Variants in DZIP1L observed in about 807,000 individuals in gnomAD.
DZIP1L encodes the protein cilium assembly protein DZIP1L.
DZIP1L carries 90 observed loss-of-function variants against 88.7 expected under a neutral mutation model. The ratio of observed to expected loss-of-function variants is 1.02; its 90% CI spans 0.86 to 1.21. The LOEUF (loss-of-function observed/expected upper bound fraction) is 1.21, where lower values mean the gene tolerates loss of function less well. DZIP1L is among the 50% of genes most tolerant of loss of function. The probability of loss-of-function intolerance (pLI) is 0.00; values close to 1 mark genes in which losing one functional copy is unlikely to be tolerated. For missense variants in DZIP1L, 932 were observed against 955.8 expected, an observed-to-expected ratio of 0.98 and a Z score of 0.33; for synonymous variants, 363 against 372.1, an observed-to-expected ratio of 0.98 and a Z score of 0.28.
Position 138,087,010 on chromosome 3 carries a change from T to C in DZIP1L, c.1013A>G (p.Lys338Arg), listed in dbSNP as rs1943973240. 1 of 1,614,158 alleles carries C rather than the reference T, an allele frequency of 6.2e-7. No homozygotes were observed. The highest frequency in any genetic ancestry group is 8.5e-7 in the Non-Finnish European group (1 of 1,180,022). Residue 338 changes from lysine (K) to arginine (R), a missense_variant, in exon 7 of 16, where the codon AAA becomes AGA. Physicochemically the swap from Lys to Arg is conservative, Grantham distance 26. Transcript: ENST00000327532. ...TTCATGCAGTTCCTTCACTTTTCTT[T>C]TCCACTCCGTTTTCTGAAAAAGATT... The part of the protein sequence containing the change: ...EKTEIQKTEW[K>R]RKVKELHEEH...
intron 2 of DZIP1L, among the ~76,000 whole-genome samples, chr3:138,099,547 G>A (rs1203469094): frequency 2.0e-5 from 3 of 152,128 alleles, no homozygotes; most frequent in Non-Finnish European, 4.4e-5. Flanking sequence ...TTGAATGTTT[G>A]TCCCTTCCAA....
At chr3:138,073,244 G>A (rs939547024) in intron 11 of DZIP1L, among the ~76,000 whole-genome samples, 3 of 152,104 alleles carry the variant, frequency 2.0e-5, no homozygotes, top group African/African-American at 7.2e-5. Flanking sequence ...CTCCTAGCTG[G>A]AGGCCAACAA....
Position 138,084,124 on chromosome 3 carries a change from G to A in DZIP1L, c.1192C>T (p.Gln398Ter). The A allele has an allele frequency of 1.2e-6, 2 of 1,613,898 alleles. No individual in the cohort carries two copies. Among genetic ancestry groups the A allele is most frequent in the Non-Finnish European group, 1.7e-6 (2 of 1,179,888 alleles). Residue 398 changes from glutamine (Q) to a stop codon, truncating the protein, a stop_gained, in exon 8 of 16, where the codon CAG (glutamine) becomes TAG (stop). Transcript: ENST00000327532. LOFTEE classifies it high-confidence loss of function. Reference protein sequence around the residue: ...LQEQARIIASQEEMIQSLSLR... With the variant: ...LQEQARIIAS ...AAGGGCAGACCTACCATCTCCTCCT[G>A]GGAGGCAATGATCCTAGCTTGTTCC...
At position 138,103,521 on chromosome 3, in the gene DZIP1L, T is replaced by C. The variant is rs779856512; in HGVS notation, c.451A>G (p.Ser151Gly). The change falls in exon 2 of 16, where the codon AGC becomes GGC. Residue 151 changes from serine to glycine, a missense_variant. By Grantham distance (56) the Ser-to-Gly change is moderately conservative (BLOSUM62 0). Transcript: ENST00000327532. ...TGCATTAGCAGCTGCTGCAGGGTGC[T>C]GATCATCTTGCGACGCCGGCGGCTC... ...EESRRRRKMI[S>G]TLQQLLMQTG... The C allele has an allele frequency of 1.9e-5, 31 of 1,611,906 alleles. No individual in the cohort carries two copies. Among genetic ancestry groups the C allele is most frequent in the East Asian group, 1.8e-4 (8 of 44,878 alleles).
chr3:138,096,865 A>C (rs768608016), intron 3 of DZIP1L, among the ~76,000 whole-genome samples: 5 of 152,190 alleles, frequency 3.3e-5, no homozygotes, highest in Non-Finnish European at 7.3e-5. Context: ...GTTTTAACAA[A>C]TATTTCTTGT....
chr3:138,066,089 A>G (rs1486112053), intron 14 of DZIP1L, among the ~76,000 whole-genome samples: 1 of 152,232 alleles, frequency 6.6e-6, no homozygotes, highest in Non-Finnish European at 1.5e-5. Context: ...AACAGGCTGC[A>G]TGGCCCAAAG....
At chr3:138,106,602 G>A (rs1387939888) in intron 1 of DZIP1L, among the ~76,000 whole-genome samples, 2 of 151,822 alleles carry the variant, frequency 1.3e-5, no homozygotes, top group East Asian at 2.0e-4. Context: ...GGGAGGCCAA[G>A]GTGGGTGGAT....
intron 1 of DZIP1L, among the ~76,000 whole-genome samples, chr3:138,114,659 C>G (rs1171760693): frequency 2.0e-5 from 3 of 152,146 alleles, no homozygotes; most frequent in Non-Finnish European, 4.4e-5. Context: ...AATCGAATTC[C>G]AGGAGACCAG....
rs952653479 is a variant in DZIP1L at position 138,064,382 on chromosome 3, T to C, written c.2142+246A>G. The C allele has an allele frequency of 9.6e-6, 13 of 1,360,998 alleles. No individual in the cohort carries two copies. The Admixed American group carries it at 3.8e-4, about 40-fold the overall frequency. The allele number at this position is 1,360,998 out of a possible 1,614,324, so 84.3% of individuals were successfully genotyped here. A position where few individuals can be genotyped will look rare whatever the true frequency, so the allele number is the denominator to read the frequency against. On this transcript the variant is annotated intron_variant, in intron 15 of 15. Coordinates refer to ENST00000327532, the MANE Select transcript of DZIP1L (RefSeq NM_173543.3). ...CTCCGAGAGGCAGGAGATGGGACAA[T>C]CAAAACTTACTGAGCATTGCTTATA...
intron 10 of DZIP1L, 138 bp from the exon 11 acceptor site, chr3:138,077,770 C>A: frequency 7.9e-7 from 1 of 1,264,152 alleles, no homozygotes; most frequent in African/African-American, 1.5e-5. Flanking sequence ...GCACTTGAGC[C>A]CTTAAAGCAG....
intron 2 of DZIP1L, among the ~76,000 whole-genome samples, chr3:138,099,634 G>A (rs1414523650): frequency 1.3e-5 from 2 of 152,152 alleles, no homozygotes; most frequent in African/African-American, 2.4e-5. Context: ...GGGTCATGGG[G>A]CAGATCCCTC....
chr3:138,107,859 C>T (rs1210781624), intron 1 of DZIP1L, among the ~76,000 whole-genome samples: 6 of 152,134 alleles, frequency 3.9e-5, no homozygotes, highest in African/African-American at 1.4e-4. Flanking sequence ...ACCTCTCAGC[C>T]TGGTCTTGAG....
In DZIP1L at chr3:138,067,585, A is replaced by C; in HGVS notation, c.1948T>G (p.Trp650Gly). The C allele has an allele frequency of 6.2e-7, 1 of 1,612,238 alleles. No individual in the cohort carries two copies. The highest frequency in any genetic ancestry group is 1.1e-5 in the South Asian group (1 of 90,692). ...TCCTCCGAGGTCTCTGTGTCAGACC[A>C]GTCCCAGTCATCCTTGGGCCGGGGC... The part of the protein sequence containing the change: ...MVPRPKDDWD[W>G]SDTETSEENA... The change falls in exon 14 of 16, where the codon TGG (tryptophan) becomes GGG (glycine). Residue 650 changes from tryptophan (W) to glycine (G), a missense_variant. Physicochemically the swap from Trp to Gly is radical, Grantham distance 184. Coordinates refer to ENST00000327532, the MANE Select transcript of DZIP1L (RefSeq NM_173543.3).
chr3:138,107,589 T>C (rs950499528), intron 1 of DZIP1L, among the ~76,000 whole-genome samples: 1 of 152,240 alleles, frequency 6.6e-6, no homozygotes, highest in Non-Finnish European at 1.5e-5. Flanking sequence ...TGTAGGTTCA[T>C]CTGGCACCAA....
chr3:138,062,856 C>A lies in DZIP1L; in HGVS notation c.2264G>T (p.Gly755Val). The change falls in exon 16 of 16, where the codon GGT (glycine) becomes GTT (valine). Residue 755 changes from glycine (G) to valine (V), a missense_variant. By Grantham distance (109) the Gly-to-Val change is moderately radical. Coordinates refer to ENST00000327532, the MANE Select transcript of DZIP1L (RefSeq NM_173543.3). ...RSKLPEKFGT[G>V]PQSSGQPRVP... ...CCTGGGTTGGCCAGAGCTCTGTGGA[C>A]CAGTGCCAAACTTCTCTGGGAGCTT... The A allele has an allele frequency of 6.2e-7, 1 of 1,614,142 alleles. No homozygotes were observed. The highest frequency in any genetic ancestry group is 1.1e-5 in the South Asian group (1 of 91,078).
chr3:138,112,697 A>G (rs1007381258), intron 1 of DZIP1L, among the ~76,000 whole-genome samples: 3 of 152,256 alleles, frequency 2.0e-5, no homozygotes, highest in Middle Eastern at 3.2e-3. Flanking sequence ...CTGTAATCCC[A>G]GCACTTTGGG....
intron 2 of DZIP1L, among the ~76,000 whole-genome samples, chr3:138,099,604 G>C (rs910029978): frequency 7.2e-5 from 11 of 152,178 alleles, no homozygotes; most frequent in African/African-American, 2.4e-4. Flanking sequence ...TTGAGAGGTG[G>C]GGCCCAGTGG....
At chr3:138,113,021 T>C (rs1373651191) in intron 1 of DZIP1L, among the ~76,000 whole-genome samples, 1 of 152,236 alleles carries the variant, frequency 6.6e-6, no homozygotes, top group Non-Finnish European at 1.5e-5. Flanking sequence ...TTAGATATAT[T>C]GACAGGGTTT....
At chr3:138,083,992 T>C (rs747987038) in intron 8 of DZIP1L, 121 bp downstream of exon 8, 15 of 1,393,182 alleles carry the variant, frequency 1.1e-5, no homozygotes, top group African/African-American at 1.4e-5. Flanking sequence ...GACTCTTCTC[T>C]CTCCTTAAGG....
Sources: allele counts gnomAD v4.1 joint callset (sites outside exome capture counted in the v4.1 genomes callset), GRCh38; gene constraint gnomAD v4.1.1; transcripts MANE v1.5; gene names NCBI Gene and HGNC (gene_info 2026-07-23, HGNC 2026-07-21).